SORCS1: variants seen among roughly 807,000 people sequenced by gnomAD.
SORCS1 encodes sortilin related VPS10 domain containing receptor 1, also known as VPS10 domain-containing receptor SorCS1.
Under a neutral mutation model 146.1 loss-of-function variants are expected in SORCS1, and 60 were observed. The ratio of observed to expected loss-of-function variants is 0.41; its 90% CI spans 0.33 to 0.51. The LOEUF is 0.51. SORCS1 is among the 20% of genes least tolerant of loss of function. SORCS1 has a pLI of 0.21. For synonymous variants in SORCS1, 637 were observed against 584.0 expected, an observed-to-expected ratio of 1.09 and a Z score of -1.31; for missense variants, 1,352 against 1,487.6, an observed-to-expected ratio of 0.91 and a Z score of 1.50.
chr10:106,883,417 ATTT>A (rs11396800), intron 2 of SORCS1, among the ~76,000 whole-genome samples: 1 of 143,992 alleles, frequency 6.9e-6, no homozygotes, highest in Non-Finnish European at 1.5e-5. Flanking sequence ...TAGCAAATGT[ATTT>A]TTTTTTTTTT....
chr10:106,920,641 C>T lies in SORCS1; in HGVS notation c.626+35872G>A, dbSNP rs1037646419. On this transcript the variant is annotated intron_variant, in intron 2 of 25. Transcript: ENST00000263054. ...AATGGAGTTTCTTGACTCAACTTGC[C>T]GCCTTGCTCCAGGAAAGCAAGAGAG... 2.0e-5 allele frequency among the ~76,000 whole-genome samples: 3 copies of T among 152,124 alleles called. 1 individual carries two copies. Among genetic ancestry groups the T allele is most frequent in the South Asian group, 4.1e-4 (2 of 4,828 alleles).
At chr10:106,751,093 A>T (rs1858188564) in intron 5 of SORCS1, among the ~76,000 whole-genome samples, 1 of 140,144 alleles carries the variant, frequency 7.1e-6, no homozygotes, top group African/African-American at 2.8e-5. Flanking sequence ...AAAAAAAAAA[A>T]ATGCGGAGGA....
chr10:106,714,490 A>G (rs1487066134), intron 6 of SORCS1, among the ~76,000 whole-genome samples: 1 of 152,174 alleles, frequency 6.6e-6, no homozygotes, highest in Admixed American at 6.5e-5. Flanking sequence ...CATTAGAGGA[A>G]GCTGGGTATA....
At chr10:106,594,864 C>T (rs1007417428) in intron 24 of SORCS1, among the ~76,000 whole-genome samples, 1 of 152,200 alleles carries the variant, frequency 6.6e-6, no homozygotes, top group Admixed American at 6.5e-5. Flanking sequence ...CAAGTAGTGG[C>T]TGATGAAGTT....
intron 1 of SORCS1, among the ~76,000 whole-genome samples, chr10:107,094,276 T>A (rs982280994): frequency 1.3e-5 from 2 of 152,210 alleles, no homozygotes; most frequent in African/African-American, 4.8e-5. Flanking sequence ...TCTTTAATAT[T>A]CTAAGAAACA....
intron 3 of SORCS1, among the ~76,000 whole-genome samples, chr10:106,808,273 CT>C (rs922467547): frequency 6.6e-6 from 1 of 152,204 alleles, no homozygotes; most frequent in African/African-American, 2.4e-5. Flanking sequence ...CTGCCTTGGC[CT>C]CCCAAAGTGC....
chr10:106,986,931 C>G (rs79856332), intron 1 of SORCS1, among the ~76,000 whole-genome samples: 2,070 of 152,248 alleles, frequency 0.014, 42 homozygotes, highest in African/African-American at 0.046. Flanking sequence ...GCTGTTAGCT[C>G]TAACAACTGG....
At chr10:106,820,478 G>T (rs1177552695) in intron 3 of SORCS1, among the ~76,000 whole-genome samples, 1 of 152,168 alleles carries the variant, frequency 6.6e-6, no homozygotes, top group Non-Finnish European at 1.5e-5. Context: ...TCTGGTCAAG[G>T]GAAAGGTCAG....
chr10:106,741,175 A>G (rs1857334294), intron 5 of SORCS1, among the ~76,000 whole-genome samples: 1 of 152,218 alleles, frequency 6.6e-6, no homozygotes, highest in African/African-American at 2.4e-5. Context: ...AGAGTGTATC[A>G]AGGTTGGAAT....
chr10:106,579,021 A>G (rs1414302801), intron 25 of SORCS1: 1 of 1,571,258 alleles, frequency 6.4e-7, no homozygotes, highest in African/African-American at 1.4e-5. Context: ...TCAAGCCAGA[A>G]AGGGGTTAGA....
chr10:106,604,775 C>T (rs1005368025), intron 23 of SORCS1, among the ~76,000 whole-genome samples: 6 of 152,044 alleles, frequency 3.9e-5, no homozygotes, highest in African/African-American at 1.5e-4. Context: ...TTTAATAGGC[C>T]TAAACTCATT....
intron 2 of SORCS1, among the ~76,000 whole-genome samples, chr10:106,914,111 T>C (rs1254058996): frequency 1.3e-5 from 2 of 152,224 alleles, no homozygotes; most frequent in East Asian, 3.8e-4. Flanking sequence ...AATCAAAGGC[T>C]ATTAAAACAC....
intron 2 of SORCS1, among the ~76,000 whole-genome samples, chr10:106,922,401 TCCAACAATAAACA>T (rs1051714005): frequency 1.7e-4 from 26 of 152,254 alleles, no homozygotes; most frequent in Admixed American, 2.0e-4. Flanking sequence ...CTGAAGGGCT[TCCAACAATAAACA>T]AACAACACAA....
chr10:107,052,769 A>T (rs1486319937), intron 1 of SORCS1, among the ~76,000 whole-genome samples: 1 of 151,886 alleles, frequency 6.6e-6, no homozygotes, highest in Non-Finnish European at 1.5e-5. Context: ...TATAATGGGA[A>T]TTTTTTTTCA....
intron 1 of SORCS1, among the ~76,000 whole-genome samples, chr10:107,110,640 C>T (rs1461419545): frequency 6.6e-6 from 1 of 151,824 alleles, no homozygotes; most frequent in Non-Finnish European, 1.5e-5. Context: ...CCACCACCAC[C>T]ACTGCATTGG....
rs181839475 is a variant in SORCS1, at chr10:106,951,991, G to A, written c.626+4522C>T. Among the ~76,000 whole-genome samples the A allele has an allele frequency of 3.3e-5, 5 of 152,228 alleles. No individual in the cohort carries two copies. The East Asian group carries it at 9.7e-4, about 29-fold the overall frequency. ...TCCCTCCTCAGGAAAGGCCCTGGAA[G>A]CCTCTCAAAAAGTATCAAAGAAGTA... On this transcript the variant is annotated intron_variant, in intron 2 of 25. Transcript: ENST00000263054.
At chr10:107,082,598 C>G (rs546629224) in intron 1 of SORCS1, among the ~76,000 whole-genome samples, 7 of 152,206 alleles carry the variant, frequency 4.6e-5, no homozygotes, top group Admixed American at 3.9e-4. Context: ...CTGCCTCACT[C>G]AGCCTCCAAA....
At chr10:107,022,183 T>C (rs1958181075) in intron 1 of SORCS1, among the ~76,000 whole-genome samples, 2 of 152,188 alleles carry the variant, frequency 1.3e-5, no homozygotes, top group African/African-American at 4.8e-5. Context: ...CCCTCTGCCA[T>C]ATGCAAAATT....
In SORCS1 at chr10:107,164,538, A is replaced by G; in HGVS notation, c.-12T>C. 7.5e-7 allele frequency: 1 copy of G among 1,340,918 alleles called. No individual in the cohort carries two copies. The highest frequency in any genetic ancestry group is 9.5e-7 in the Non-Finnish European group (1 of 1,053,416). The allele number at this position is 1,340,918 out of a possible 1,614,324, so 83.1% of individuals were successfully genotyped here. A position where few individuals can be genotyped will look rare whatever the true frequency, so the allele number is the denominator to read the frequency against. ...CCAACTTTTCCCATCGCGGGAGCGA[A>G]GAGCAGCGGAGAGAGGGGTCCCAGA... On this transcript the variant is annotated 5_prime_UTR_variant, in exon 1 of 26. Coordinates refer to ENST00000263054, the MANE Select transcript of SORCS1 (RefSeq NM_052918.5). This position sits in a 1 kb window ranked among gnomAD's most constrained non-coding sequence, Gnocchi z 6.8.
Sources: allele counts gnomAD v4.1 joint callset (sites outside exome capture counted in the v4.1 genomes callset), GRCh38; gene constraint gnomAD v4.1.1; non-coding constraint Gnocchi (gnomAD v3.1); transcripts MANE v1.5; gene names NCBI Gene and HGNC (gene_info 2026-07-23, HGNC 2026-07-21).